ARL2: variants seen among roughly 807,000 people sequenced by gnomAD.
ARL2 encodes the protein ARF like GTPase 2, also known as ADP-ribosylation factor-like protein 2.
Under a neutral mutation model 22.0 loss-of-function variants are expected in ARL2, and 11 were observed. The ratio of observed to expected loss-of-function variants is 0.50; its 90% CI spans 0.31 to 0.83. The LOEUF (loss-of-function observed/expected upper bound fraction) is 0.83, where lower values mean the gene tolerates loss of function less well. ARL2 is among the 40% of genes least tolerant of loss of function. The pLI is 0.04. For synonymous variants in ARL2, 111 were observed against 100.8 expected (o/e 1.10, Z -0.61); for missense variants, 216 against 243.2 (o/e 0.89, Z 0.74).
Position 65,014,194 on chromosome 11 carries a change from G to C in ARL2, c.-14G>C. 6.4e-7 allele frequency: 1 copy of C among 1,555,160 alleles called. No individual in the cohort carries two copies. Among genetic ancestry groups the C allele is most frequent in the Non-Finnish European group, 8.6e-7 (1 of 1,156,354 alleles). ...CTGGGAAGAAACGGCGGCCGGGAGG[G>C]GGCTCCGGGGACCATGGGGCTCCTG... On this transcript the variant is annotated 5_prime_UTR_variant, in exon 1 of 5. Coordinates refer to ENST00000246747, the MANE Select transcript of ARL2 (RefSeq NM_001667.4).
In ARL2 at chr11:65,015,309, G is replaced by A. The variant is rs962936091; in HGVS notation, c.65+1037G>A. Among the ~76,000 whole-genome samples the A allele has an allele frequency of 2.7e-4, 41 of 152,272 alleles. 1 individual carries two copies. Among genetic ancestry groups the A allele is most frequent in the African/African-American group, 8.7e-4 (36 of 41,560 alleles). ...TTTAAATATTGTTAGTAGAGACGGG[G>A]TTTCACCTTGTTGGTCAGGCTGTTC... On this transcript the variant is annotated intron_variant, in intron 1 of 4. Transcript: ENST00000246747.
rs1946286804 is a variant in ARL2, at chr11:65,018,531, G to A, written c.177-40G>A. The A allele has an allele frequency of 5.6e-6, 9 of 1,601,564 alleles. No individual in the cohort carries two copies. The highest frequency in any genetic ancestry group is 6.0e-6 in the Non-Finnish European group (7 of 1,173,764). On this transcript the variant is annotated intron_variant, in intron 2 of 4. Coordinates refer to ENST00000246747, the MANE Select transcript of ARL2 (RefSeq NM_001667.4). The surrounding 1 kb of genome is among the most constrained non-coding windows in gnomAD (Gnocchi z 4.2). ...AGAGCAGGGCAGGGAAGGTGGGAGAGGGGCCCAGCTGACCCTCCTGTCACC... is the reference window on the plus strand; with the variant it reads ...AGAGCAGGGCAGGGAAGGTGGGAGAAGGGCCCAGCTGACCCTCCTGTCACC...
intron 4 of ARL2, chr11:65,021,479 A>G (rs979463788): frequency 6.8e-6 from 3 of 443,930 alleles, no homozygotes; most frequent in African/African-American, 2.0e-5. Context: ...GTGGATGCTC[A>G]GGAGCCCATG....
chr11:65,020,187 C>T (rs924354818), intron 3 of ARL2, among the ~76,000 whole-genome samples: 1 of 152,176 alleles, frequency 6.6e-6, no homozygotes, highest in South Asian at 2.1e-4. Flanking sequence ...ACAGCGGTGT[C>T]CCCTGGGTGG....
chr11:65,016,205 TAA>T (rs55936282), intron 1 of ARL2, among the ~76,000 whole-genome samples: 1 of 124,914 alleles, frequency 8.0e-6, no homozygotes, highest in Non-Finnish European at 1.6e-5. Flanking sequence ...GAAACTCTGT[TAA>T]AAAAAAAAAA....
Position 65,018,380 on chromosome 11 carries a change from G to A in ARL2, c.82G>A (p.Gly28Arg). Residue 28 changes from glycine (G) to arginine (R), a missense_variant, in exon 2 of 5, where the codon GGA becomes AGA. By Grantham distance (125) the Gly-to-Arg change is moderately radical (BLOSUM62 -2). Coordinates refer to ENST00000246747, the MANE Select transcript of ARL2 (RefSeq NM_001667.4). This position sits in a 1 kb window ranked among gnomAD's most constrained non-coding sequence, Gnocchi z 4.2. ...RLLMLGLDNA[G>R]KTTILKKFNG... ...GCGCCCCAGTGGCCTGGACAATGCTGGAAAGACAACCATCCTGAAGAAGTT... is the reference window on the plus strand; with the variant it reads ...GCGCCCCAGTGGCCTGGACAATGCTAGAAAGACAACCATCCTGAAGAAGTT... 1.2e-6 allele frequency: 2 copies of A among 1,605,304 alleles called. No homozygotes were observed. The highest frequency in any genetic ancestry group is 8.5e-7 in the Non-Finnish European group (1 of 1,176,560).
In ARL2 at chr11:65,018,694, G is replaced by C. The variant is rs1322281281; in HGVS notation, c.300G>C (p.Gln100His). The C allele has an allele frequency of 3.7e-6, 6 of 1,614,218 alleles. No individual in the cohort carries two copies. The highest frequency in any genetic ancestry group is 5.1e-6 in the Non-Finnish European group (6 of 1,180,046). The change falls in exon 3 of 5, where the codon CAG becomes CAC. Residue 100 changes from glutamine to histidine, a missense_variant. Physicochemically the swap from Gln to His is conservative, Grantham distance 24 (BLOSUM62 0). Coordinates refer to ENST00000246747, the MANE Select transcript of ARL2 (RefSeq NM_001667.4). The surrounding 1 kb of genome is among the most constrained non-coding windows in gnomAD (Gnocchi z 4.2). ...VVDSADRQRM[Q>H]DCQRELQSLL... is the part of the protein sequence containing the mutation. ...ACAGCGCAGACCGCCAGCGCATGCA[G>C]GACTGCCAGCGGGAGCTCCAGAGCC...
chr11:65,022,030 G>A lies in ARL2; in HGVS notation c.*175G>A. ...TGGCCACCCGGCTCCCATGGCGGGA[G>A]GGCTGTGCCCTGGCTGTCTCTCTGG... is the stretch of plus-strand genomic sequence containing the variant. On this transcript the variant is annotated 3_prime_UTR_variant, in exon 5 of 5. Coordinates refer to ENST00000246747, the MANE Select transcript of ARL2 (RefSeq NM_001667.4). 1 of 959,736 alleles carries A rather than the reference G, an allele frequency of 1.0e-6. No homozygotes were observed. 59.5% of individuals were successfully genotyped at this position (959,736 alleles called of 1,614,324 possible). A position where few individuals can be genotyped will look rare whatever the true frequency, so the allele number is the denominator to read the frequency against.
At chr11:65,016,770 G>C (rs1002152395) in intron 1 of ARL2, among the ~76,000 whole-genome samples, 2 of 152,112 alleles carry the variant, frequency 1.3e-5, no homozygotes, top group East Asian at 3.9e-4. Flanking sequence ...TCAGGATAGA[G>C]ATGGTATTTG....
intron 1 of ARL2, among the ~76,000 whole-genome samples, chr11:65,015,101 G>A (rs1162668544): frequency 2.0e-5 from 3 of 151,672 alleles, no homozygotes; most frequent in South Asian, 2.1e-4. Context: ...CACGGAGTCC[G>A]GCCCATGTCT....
chr11:65,018,899 T>C lies in ARL2; in HGVS notation c.339+166T>C, dbSNP rs1442558940. ...GGTGCCAGAGGCAGGACACATGCTGTGGACTGAGATTGAGTTAACGTCCCT... is the reference window on the plus strand; with the variant it reads ...GGTGCCAGAGGCAGGACACATGCTGCGGACTGAGATTGAGTTAACGTCCCT... On this transcript the variant is annotated intron_variant, in intron 3 of 4. Coordinates refer to ENST00000246747, the MANE Select transcript of ARL2 (RefSeq NM_001667.4). This position sits in a 1 kb window ranked among gnomAD's most constrained non-coding sequence, Gnocchi z 4.2. 6.5e-7 allele frequency: 1 copy of C among 1,534,164 alleles called. No individual in the cohort carries two copies. Among genetic ancestry groups the C allele is most frequent in the African/African-American group, 1.4e-5 (1 of 73,022 alleles).
intron 1 of ARL2, 136 bp downstream of exon 1, chr11:65,014,408 C>A: frequency 1.5e-6 from 1 of 684,012 alleles, no homozygotes; most frequent in Non-Finnish European, 2.3e-6. Context: ...CGGGCCCCAT[C>A]AATCGCCCCG....
rs1416747209 is a variant in ARL2 at position 65,022,145 on chromosome 11, T to A, written c.*290T>A. 4.5e-6 allele frequency: 2 copies of A among 445,888 alleles called. No homozygotes were observed. The highest frequency in any genetic ancestry group is 4.2e-6 in the Non-Finnish European group (1 of 240,488). 27.6% of individuals were successfully genotyped at this position (445,888 alleles called of 1,614,324 possible). ...GCTGCTACCGAGGCTGTGGGCCTCA[T>A]CCTTCACTCAGTTGTGAAATAAACC... On this transcript the variant is annotated 3_prime_UTR_variant, in exon 5 of 5. Coordinates refer to ENST00000246747, the MANE Select transcript of ARL2 (RefSeq NM_001667.4).
chr11:65,022,013 C>G lies in ARL2; in HGVS notation c.*158C>G. On this transcript the variant is annotated 3_prime_UTR_variant, in exon 5 of 5. Coordinates refer to ENST00000246747, the MANE Select transcript of ARL2 (RefSeq NM_001667.4). ...TGCCCGCTGCTGCTCTGTGGCCACCCGGCTCCCATGGCGGGAGGGCTGTGC... is the reference window on the plus strand; with the variant it reads ...TGCCCGCTGCTGCTCTGTGGCCACCGGGCTCCCATGGCGGGAGGGCTGTGC... The G allele has an allele frequency of 8.9e-7, 1 of 1,124,982 alleles. No individual in the cohort carries two copies. The allele number at this position is 1,124,982 out of a possible 1,614,324, so 69.7% of individuals were successfully genotyped here. A position where few individuals can be genotyped will look rare whatever the true frequency, so the allele number is the denominator to read the frequency against.
intron 1 of ARL2, among the ~76,000 whole-genome samples, chr11:65,016,686 C>T (rs1946260987): frequency 6.6e-6 from 1 of 151,936 alleles, no homozygotes; most frequent in Non-Finnish European, 1.5e-5. Context: ...TCCGAGACAG[C>T]CCAGAAGTGT....
rs778507212 is a variant in ARL2 at position 65,021,869 on chromosome 11, C to T, written c.*14C>T. 6.8e-6 allele frequency: 11 copies of T among 1,608,156 alleles called. No individual in the cohort carries two copies. The highest frequency in any genetic ancestry group is 4.5e-5 in the East Asian group (2 of 44,826). On this transcript the variant is annotated 3_prime_UTR_variant, in exon 5 of 5. Transcript: ENST00000246747. ...ACAGCTGACTGAACCACTCCAGATG[C>T]CCCCCACCTAGCAGTCCAGGTCCCT...
chr11:65,019,014 T>C (rs886959544), intron 3 of ARL2: 1 of 1,294,534 alleles, frequency 7.7e-7, no homozygotes, highest in South Asian at 1.3e-5. Flanking sequence ...TTAGGGAGGA[T>C]AACCCAAGGC....
At position 65,018,240 on chromosome 11, in the gene ARL2, G is replaced by A; in HGVS notation, c.66-124G>A. The stretch of plus-strand genomic sequence containing the variant: ...TTCATATTTATTGTGGGCCGATTAT[G>A]GTCAGGCATGTGCTCAACTCAGTTT... On this transcript the variant is annotated intron_variant, in intron 1 of 4. Transcript: ENST00000246747. The surrounding 1 kb of genome is among the most constrained non-coding windows in gnomAD (Gnocchi z 4.2). 1 of 700,780 alleles carries A rather than the reference G, an allele frequency of 1.4e-6. No individual in the cohort carries two copies. The highest frequency in any genetic ancestry group is 2.4e-6 in the Non-Finnish European group (1 of 417,550). The allele number at this position is 700,780 out of a possible 1,614,324, so 43.4% of individuals were successfully genotyped here.
chr11:65,020,461 G>A lies in ARL2; in HGVS notation c.382G>A (p.Asp128Asn). 6.2e-7 allele frequency: 1 copy of A among 1,612,938 alleles called. No homozygotes were observed. Among genetic ancestry groups the A allele is most frequent in the Non-Finnish European group, 8.5e-7 (1 of 1,179,578 alleles). The stretch of plus-strand genomic sequence containing the variant: ...CCTCCTCATCTTTGCTAATAAGCAG[G>A]ACCTGCCTGGAGCACTGTCCTCTAA... ...ATLLIFANKQ[D>N]LPGALSSNAI... The change falls in exon 4 of 5, where the codon GAC becomes AAC. Residue 128 changes from aspartate (D) to asparagine (N), a missense_variant. Coordinates refer to ENST00000246747, the MANE Select transcript of ARL2 (RefSeq NM_001667.4).
Sources: allele counts gnomAD v4.1 joint callset (sites outside exome capture counted in the v4.1 genomes callset), GRCh38; gene constraint gnomAD v4.1.1; non-coding constraint Gnocchi (gnomAD v3.1); transcripts MANE v1.5; gene names NCBI Gene and HGNC (gene_info 2026-07-23, HGNC 2026-07-21).